The following DOCK11 variants were observed in gnomAD, a reference collection of about 807,000 sequenced individuals.
DOCK11 encodes dedicator of cytokinesis 11.
A neutral mutation model predicts 169.1 loss-of-function variants in DOCK11; 70 were observed. That is an observed-to-expected ratio of 0.41 (90% confidence interval 0.34 to 0.51). The LOEUF (loss-of-function observed/expected upper bound fraction) is 0.51. DOCK11 is among the 20% of genes least tolerant of loss of function. The pLI is 0.10. For synonymous variants in DOCK11, 529 were observed against 541.3 expected, an observed-to-expected ratio of 0.98 and a Z score of 0.32; for missense variants, 1,166 against 1,538.8, an observed-to-expected ratio of 0.76 and a Z score of 4.05.
chrX:118,510,603 G>T (rs752419893), intron 1 of DOCK11, among the ~76,000 whole-genome samples: 3 of 111,269 alleles, frequency 2.7e-5, no homozygotes, highest in Non-Finnish European at 5.7e-5. Flanking sequence ...TGGGTGTGTG[G>T]ATGTATGTGT....
chrX:118,629,802 T>C lies in DOCK11; in HGVS notation c.3775-577T>C, dbSNP rs1047722558. Reference sequence around the variant, plus strand: ...TAGCTAGGACTACAGGCATGCACCATCACACCCAGCTAAATTTTTTTTTTT... The same window carrying C: ...TAGCTAGGACTACAGGCATGCACCACCACACCCAGCTAAATTTTTTTTTTT... On this transcript the variant is annotated intron_variant, in intron 34 of 52. Coordinates refer to ENST00000276202, the MANE Select transcript of DOCK11 (RefSeq NM_144658.4). Among the ~76,000 whole-genome samples the C allele has an allele frequency of 3.0e-5, 3 of 98,408 alleles. No individual in the cohort carries two copies. The East Asian group carries it at 1.0e-3, about 33-fold the overall frequency. The allele number at this position is 98,408 out of a possible 115,157, so 85.5% of individuals were successfully genotyped here. A position where few individuals can be genotyped will look rare whatever the true frequency, so the allele number is the denominator to read the frequency against.
intron 13 of DOCK11, 29 bp from the exon 14 acceptor site, chrX:118,580,068 C>T (rs1372180658): frequency 2.5e-6 from 3 of 1,182,690 alleles, no homozygotes; most frequent in East Asian, 6.0e-5. Flanking sequence ...TGAACAAATA[C>T]AAGCCTATCT....
At chrX:118,504,209 G>T (rs2057595410) in intron 1 of DOCK11, among the ~76,000 whole-genome samples, 1 of 110,605 alleles carries the variant, frequency 9.0e-6, no homozygotes, top group Non-Finnish European at 1.9e-5. Flanking sequence ...TCCTTTCTGG[G>T]TTCGACAAGG....
chrX:118,597,799 ATTAT>A (rs1037938991), intron 21 of DOCK11, among the ~76,000 whole-genome samples: 9 of 111,963 alleles, frequency 8.0e-5, no homozygotes, highest in East Asian at 2.8e-4. Flanking sequence ...ATTTTAAAAA[ATTAT>A]TTAAGTAATT....
Position 118,546,013 on chromosome X carries a change from T to C in DOCK11, c.463-8T>C. 8.5e-7 allele frequency: 1 copy of C among 1,181,554 alleles called. No individual in the cohort carries two copies. The highest frequency in any genetic ancestry group is 1.9e-5 in the South Asian group (1 of 53,781). On this transcript the variant is annotated splice_polypyrimidine_tract_variant and splice_region_variant and intron_variant, in intron 5 of 52. Transcript: ENST00000276202. ...GTTGTTTTACTGATAATTTTTGTTC[T>C]ATTTCAGGACTCATCTTCTTTATGT...
intron 1 of DOCK11, 39 bp from the exon 2 acceptor site, chrX:118,542,686 A>T: frequency 1.0e-6 from 1 of 981,500 alleles, no homozygotes; most frequent in Non-Finnish European, 1.4e-6. Context: ...AACTCTTGTG[A>T]GTTTGATCAT....
At chrX:118,568,007 C>A in intron 9 of DOCK11, 72 bp from the exon 10 acceptor site, 1 of 508,886 alleles carries the variant, frequency 2.0e-6, no homozygotes, top group Non-Finnish European at 3.1e-6. Context: ...TTCACATAAA[C>A]TATACATTTA....
chrX:118,514,736 C>T (rs1202571773), intron 1 of DOCK11, among the ~76,000 whole-genome samples: 2 of 112,321 alleles, frequency 1.8e-5, no homozygotes, highest in Admixed American at 9.4e-5. Context: ...GACTCCTCAT[C>T]CGGGGATGCC....
Position 118,643,473 on chromosome X carries a change from A to G in DOCK11, c.4277A>G (p.Asn1426Ser), listed in dbSNP as rs1373416080. The G allele has an allele frequency of 8.3e-7, 1 of 1,208,026 alleles. No individual in the cohort carries two copies. The highest frequency in any genetic ancestry group is 1.8e-5 in the South Asian group (1 of 56,447). ...TQCFKTQLLN[N>S]DGHNPLMKKV... ...GTTTTATAGACCCAACTTTTAAATA[A>G]TGATGGCCATAACCCATTAATGAAA... Residue 1426 changes from asparagine (N) to serine (S), a missense_variant, in exon 40 of 53, where the codon AAT (asparagine) becomes AGT (serine). Transcript: ENST00000276202.
intron 19 of DOCK11, among the ~76,000 whole-genome samples, chrX:118,591,675 A>G (rs1220271888): frequency 9.8e-6 from 1 of 102,488 alleles, no homozygotes; most frequent in Admixed American, 1.1e-4. Context: ...ATACATGTGC[A>G]CAACATGCAG....
chrX:118,500,205 C>G (rs922046608), intron 1 of DOCK11, among the ~76,000 whole-genome samples: 1 of 109,424 alleles, frequency 9.1e-6, no homozygotes, highest in East Asian at 2.9e-4. Flanking sequence ...CCCGCCGCCA[C>G]GCCCGGCTAA....
chrX:118,502,731 T>A, intron 1 of DOCK11, among the ~76,000 whole-genome samples: 1 of 110,052 alleles, frequency 9.1e-6, no homozygotes, highest in South Asian at 3.9e-4. Context: ...TATAAGTGAT[T>A]CATAAAGGTT....
chrX:118,676,550 CAT>C lies in DOCK11; in HGVS notation c.5314-38_5314-37del, dbSNP rs748104256. ...ATTTTCTTTAAATGTTGTGTTTGCT[CAT>C]ATTATTTATAAGTTATTATTTGTTT... On this transcript the variant is annotated intron_variant, in intron 47 of 52. Transcript: ENST00000276202. The C allele has an allele frequency of 2.3e-5, 19 of 822,119 alleles. No individual in the cohort carries two copies. In the African/African-American group the frequency reaches 3.8e-4, roughly 16 times the overall value. The allele number at this position is 822,119 out of a possible 1,213,427, so 67.8% of individuals were successfully genotyped here. A position where few individuals can be genotyped will look rare whatever the true frequency, so the allele number is the denominator to read the frequency against.
intron 1 of DOCK11, among the ~76,000 whole-genome samples, chrX:118,504,857 T>C (rs1175178672): frequency 8.9e-6 from 1 of 111,975 alleles, no homozygotes; most frequent in African/African-American, 3.2e-5. Flanking sequence ...TAGCTGCCAT[T>C]GCCTTTGTAA....
chrX:118,607,748 C>T (rs2014571299), intron 24 of DOCK11, among the ~76,000 whole-genome samples: 1 of 111,495 alleles, frequency 9.0e-6, no homozygotes, highest in Admixed American at 9.5e-5. Flanking sequence ...TCAATATTTA[C>T]CTAATTTGAA....
intron 1 of DOCK11, among the ~76,000 whole-genome samples, chrX:118,519,654 A>G (rs1199976994): frequency 8.9e-6 from 1 of 111,979 alleles, no homozygotes; most frequent in African/African-American, 3.2e-5. Flanking sequence ...CTGCTAACCA[A>G]ATTCAGACTT....
chrX:118,507,625 C>T lies in DOCK11; in HGVS notation c.102+11552C>T, dbSNP rs189901910. ...TGGGCCTCCCAAGGTGCTGGAATTA[C>T]AGGCATGAGCCACCGTGCCCGGCCC... is the stretch of plus-strand genomic sequence containing the variant. On this transcript the variant is annotated intron_variant, in intron 1 of 52. Transcript: ENST00000276202. Among the ~76,000 whole-genome samples the T allele has an allele frequency of 7.2e-3, 804 of 112,126 alleles. 9 individuals are homozygous for T. Among genetic ancestry groups the T allele is most frequent in the African/African-American group, 0.025 (761 of 30,859 alleles).
chrX:118,602,546 C>CTT (rs112183310), intron 23 of DOCK11, among the ~76,000 whole-genome samples: 3 of 103,878 alleles, frequency 2.9e-5, no homozygotes, highest in African/African-American at 7.0e-5. Context: ...GGGCTCCTGT[C>CTT]TTTTTTTTTT....
intron 1 of DOCK11, among the ~76,000 whole-genome samples, chrX:118,507,238 T>C (rs2057619269): frequency 8.9e-6 from 1 of 112,699 alleles, no homozygotes; most frequent in Non-Finnish European, 1.9e-5. Flanking sequence ...CCCTAATGAC[T>C]GGAAATATTT....
Sources: allele counts gnomAD v4.1 joint callset (sites outside exome capture counted in the v4.1 genomes callset), GRCh38; gene constraint gnomAD v4.1.1; transcripts MANE v1.5; gene names NCBI Gene and HGNC (gene_info 2026-07-23, HGNC 2026-07-21).